Variants in OR4F5 observed in about 807,000 individuals in gnomAD.
OR4F5 encodes the protein olfactory receptor 4F5.
In OR4F5, 1 loss-of-function variant was observed where a neutral mutation model predicts 5.8. That is an observed-to-expected ratio of 0.17 (90% CI 0.06 to 0.82). OR4F5 has a LOEUF of 0.82. OR4F5 is among the 40% of genes least tolerant of loss of function. OR4F5 has a pLI of 0.72. For missense variants in OR4F5, 47 were observed against 175.5 expected (o/e 0.27, Z 4.14); for synonymous variants, 18 against 63.7 (o/e 0.28, Z 3.42).
chr1:68,413 T>A (rs1639967355), intron 2 of OR4F5, among the ~76,000 whole-genome samples: 1 of 79,182 alleles, frequency 1.3e-5, no homozygotes, highest in African/African-American at 3.3e-5. Flanking sequence ...ATTCAAAATT[T>A]TTCAGTAGTT....
At chr1:66,027 C>T (rs1349853477) in intron 2 of OR4F5, among the ~76,000 whole-genome samples, 1 of 119,468 alleles carries the variant, frequency 8.4e-6, no homozygotes, top group African/African-American at 2.7e-5. Flanking sequence ...AAAGAATAAA[C>T]TCATTTTAAA....
intron 2 of OR4F5, among the ~76,000 whole-genome samples, chr1:66,530 T>TA (rs1333335017): frequency 3.6e-5 from 3 of 83,936 alleles, no homozygotes; most frequent in East Asian, 2.3e-4. Context: ...TTATATAATA[T>TA]ATATTATATT....
In OR4F5 at chr1:69,640, G is replaced by C. The variant is rs769358925; in HGVS notation, c.613G>C (p.Asp205His). The stretch of plus-strand genomic sequence containing the variant: ...TAGGGTAATCAAACTTGCCTGTACA[G>C]ATACCTACAGGCTAGATATTATGGT... ...LPRVIKLACT[D>H]TYRLDIMVIA... The change falls in exon 3 of 3, where the codon GAT becomes CAT. Residue 205 changes from aspartate to histidine, a missense_variant. This residue lies in a region of OR4F5 where 7 missense variants were observed against 66.3 expected (regional missense o/e 0.11). Transcript: ENST00000641515. 9.5e-5 allele frequency: 87 copies of C among 915,118 alleles called. 13 individuals carry two copies. In the African/African-American group the frequency reaches 1.6e-3, roughly 17 times the overall value. 56.7% of individuals were successfully genotyped at this position (915,118 alleles called of 1,614,324 possible).
At chr1:66,376 TAA>T (rs1261833282) in intron 2 of OR4F5, among the ~76,000 whole-genome samples, 3 of 7,816 alleles carry the variant, frequency 3.8e-4, no homozygotes, top group South Asian at 2.0e-3. Context: ...ATATAATATA[TAA>T]ATTATATAAT....
intron 2 of OR4F5, among the ~76,000 whole-genome samples, chr1:68,228 C>G (rs1328196917): frequency 1.1e-5 from 1 of 95,200 alleles, no homozygotes; most frequent in African/African-American, 3.0e-5. Context: ...CATATCTTAA[C>G]TACTTTAATA....
intron 2 of OR4F5, among the ~76,000 whole-genome samples, chr1:66,273 TAA>T (rs1188105314): frequency 0.023 from 688 of 29,800 alleles, 150 homozygotes; most frequent in Non-Finnish European, 0.032. Context: ...AAATATAATA[TAA>T]ATTATATTAT....
Position 66,256 on chromosome 1 carries a change from A to G in OR4F5, c.9+683A>G, listed in dbSNP as rs867681484. The stretch of plus-strand genomic sequence containing the variant: ...TAATATATATTATATTATATAATAT[A>G]TAATATAAATATAATATAAATTATA... On this transcript the variant is annotated intron_variant, in intron 2 of 2. Transcript: ENST00000641515. 2.5e-4 allele frequency among the ~76,000 whole-genome samples: 8 copies of G among 32,532 alleles called. No individual in the cohort carries two copies. In the Admixed American group the frequency reaches 4.7e-3, roughly 19 times the overall value. 21.3% of individuals were successfully genotyped at this position (32,532 alleles called of 152,430 possible).
chr1:70,699 T>C lies in OR4F5; in HGVS notation c.*691T>C, dbSNP rs1639990782. ...AAAGTATATTACTTGGATCCATCTA[T>C]GTCATTTTCCATGGTTAATGTTTAA... On this transcript the variant is annotated 3_prime_UTR_variant, in exon 3 of 3. Coordinates refer to ENST00000641515, the MANE Select transcript of OR4F5 (RefSeq NM_001005484.2). 8.4e-6 allele frequency: 1 copy of C among 118,960 alleles called. No individual in the cohort carries two copies. The highest frequency in any genetic ancestry group is 2.6e-4 in the South Asian group (1 of 3,884). 7.4% of individuals were successfully genotyped at this position (118,960 alleles called of 1,614,324 possible).
rs1329583842 is a variant in OR4F5 at position 66,476 on chromosome 1, ATATATTTATAGAATATAATATATATTT to A, written c.9+907_9+933del. Among the ~76,000 whole-genome samples, 29 of 80,372 alleles carry A rather than the reference ATATATTTATAGAATATAATATATATTT, an allele frequency of 3.6e-4. 3 individuals carry two copies. Among genetic ancestry groups the A allele is most frequent in the South Asian group, 3.5e-3 (11 of 3,140 alleles). 52.7% of individuals were successfully genotyped at this position (80,372 alleles called of 152,430 possible). ...TATATTTTATTATATAATATATATT[ATATATTTATAGAATATAATATATATTT>A]TATTATATAATATATATTATATAAT... On this transcript the variant is annotated intron_variant, in intron 2 of 2. Transcript: ENST00000641515.
At chr1:66,093 G>C (rs1175139549) in intron 2 of OR4F5, among the ~76,000 whole-genome samples, 1 of 114,906 alleles carries the variant, frequency 8.7e-6, no homozygotes, top group African/African-American at 2.8e-5. Flanking sequence ...ATCACACTGT[G>C]AATTTGTGCC....
chr1:66,479 TA>T (rs1213039795), intron 2 of OR4F5, among the ~76,000 whole-genome samples: 952 of 55,020 alleles, frequency 0.017, 37 homozygotes, highest in South Asian at 0.11. Context: ...ATATATTATA[TA>T]TTTATAGAAT....
At chr1:68,230 A>G (rs1185241318) in intron 2 of OR4F5, among the ~76,000 whole-genome samples, 2 of 95,784 alleles carry the variant, frequency 2.1e-5, no homozygotes, top group Non-Finnish European at 5.3e-5. Flanking sequence ...TATCTTAACT[A>G]CTTTAATACG....
rs1639993473 is a variant in OR4F5, at chr1:70,977, C to A, written c.*969C>A. Reference sequence around the variant, plus strand: ...ATTAAAATCCTATATATTAACAAAGCCAAAAGTTTCAAACTTTACTTTTTC... The same window carrying A: ...ATTAAAATCCTATATATTAACAAAGACAAAAGTTTCAAACTTTACTTTTTC... On this transcript the variant is annotated 3_prime_UTR_variant, in exon 3 of 3. Transcript: ENST00000641515. The A allele has an allele frequency of 3.0e-5, 1 of 33,222 alleles. No homozygotes were observed. The highest frequency in any genetic ancestry group is 4.6e-4 in the East Asian group (1 of 2,166). The allele number at this position is 33,222 out of a possible 1,614,324, so 2.1% of individuals were successfully genotyped here.
Sources: allele counts gnomAD v4.1 joint callset (sites outside exome capture counted in the v4.1 genomes callset), GRCh38; gene constraint gnomAD v4.1.1; regional missense constraint gnomAD v4.1.1; transcripts MANE v1.5; gene names NCBI Gene and HGNC (gene_info 2026-07-23, HGNC 2026-07-21).